SOX5: variants seen among roughly 807,000 people sequenced by gnomAD.
SOX5 encodes transcription factor SOX-5.
SOX5 carries 9 observed loss-of-function variants against 92.0 expected under a neutral mutation model. The ratio of observed to expected loss-of-function variants is 0.10; its 90% CI spans 0.06 to 0.17. The LOEUF (loss-of-function observed/expected upper bound fraction) is 0.17. Ranked by LOEUF, SOX5 falls within the 10% of genes least tolerant of loss-of-function variation. SOX5 has a pLI of 1.00. For missense variants in SOX5, 642 were observed against 944.5 expected (o/e 0.68, Z 4.20); for synonymous variants, 344 against 336.3 (o/e 1.02, Z -0.25).
intron 2 of SOX5, among the ~76,000 whole-genome samples, chr12:24,280,954 A>G (rs1389815859): frequency 6.6e-6 from 1 of 150,726 alleles, no homozygotes; most frequent in Admixed American, 6.6e-5. Context: ...AGATACCTTC[A>G]GTTTCATTGC....
At chr12:24,103,566 G>C (rs1371760028) in intron 4 of SOX5, among the ~76,000 whole-genome samples, 1 of 152,068 alleles carries the variant, frequency 6.6e-6, no homozygotes, top group Admixed American at 6.5e-5. Flanking sequence ...ATGTTGCCCA[G>C]GCTTGTCTTG....
intron 3 of SOX5, among the ~76,000 whole-genome samples, chr12:24,224,077 C>T (rs1358618201): frequency 1.3e-5 from 2 of 152,168 alleles, no homozygotes; most frequent in African/African-American, 2.4e-5. Context: ...ATTGTTGTTT[C>T]GCTGGAAGGA....
chr12:23,699,704 T>C (rs1216441755), intron 6 of SOX5, among the ~76,000 whole-genome samples: 3 of 152,182 alleles, frequency 2.0e-5, no homozygotes, highest in African/African-American at 7.2e-5. Context: ...TTTGAGTATA[T>C]GTTTCCTTAA....
At chr12:24,502,491 A>G (rs2138152734) in intron 1 of SOX5, among the ~76,000 whole-genome samples, 1 of 152,350 alleles carries the variant, frequency 6.6e-6, no homozygotes, top group East Asian at 1.9e-4. Flanking sequence ...GAAATAAATC[A>G]TTGAGTATAT....
At chr12:24,075,277 T>TAAAAAA (rs59967372) in intron 4 of SOX5, among the ~76,000 whole-genome samples, 2 of 75,788 alleles carry the variant, frequency 2.6e-5, no homozygotes, top group Admixed American at 1.7e-4. Context: ...CTCAAATTAT[T>TAAAAAA]AAAAAAAAAA....
chr12:24,436,657 G>A (rs563109220), intron 1 of SOX5, among the ~76,000 whole-genome samples: 3 of 152,106 alleles, frequency 2.0e-5, no homozygotes, highest in Non-Finnish European at 4.4e-5. Flanking sequence ...AGATCTAGCT[G>A]AGATGACTGA....
chr12:23,793,059 C>T (rs992720053), intron 3 of SOX5, among the ~76,000 whole-genome samples: 14 of 152,098 alleles, frequency 9.2e-5, no homozygotes, highest in East Asian at 5.8e-4. Flanking sequence ...AGACCTAAAA[C>T]GTTTTTCATG....
chr12:24,364,635 A>C (rs922254778), intron 2 of SOX5, among the ~76,000 whole-genome samples: 2 of 150,732 alleles, frequency 1.3e-5, no homozygotes, highest in Non-Finnish European at 3.0e-5. Flanking sequence ...TATGGAGAGA[A>C]TCAATTCCCT....
chr12:23,761,203 AG>A (rs1302863645), intron 3 of SOX5, among the ~76,000 whole-genome samples: 1 of 152,170 alleles, frequency 6.6e-6, no homozygotes, highest in Non-Finnish European at 1.5e-5. Flanking sequence ...AGAGCTGAAA[AG>A]GTCTTTATAT....
intron 4 of SOX5, among the ~76,000 whole-genome samples, chr12:23,969,408 G>T (rs1314118233): frequency 2.0e-5 from 3 of 151,926 alleles, no homozygotes; most frequent in African/African-American, 7.3e-5. Context: ...AAATCCTTCA[G>T]AGTCTTCAAT....
chr12:24,235,818 A>G (rs1283038801), intron 3 of SOX5, among the ~76,000 whole-genome samples: 1 of 152,198 alleles, frequency 6.6e-6, no homozygotes, highest in Non-Finnish European at 1.5e-5. Context: ...CTTATATCCA[A>G]GACTTTCCTT....
intron 2 of SOX5, among the ~76,000 whole-genome samples, chr12:23,851,335 T>C (rs922184182): frequency 2.0e-5 from 3 of 152,294 alleles, no homozygotes; most frequent in East Asian, 3.8e-4. Context: ...CAAATGAAGT[T>C]TGCAATTTTG....
intron 6 of SOX5, among the ~76,000 whole-genome samples, chr12:23,689,897 C>A (rs1480468656): frequency 2.0e-5 from 3 of 152,128 alleles, no homozygotes; most frequent in Non-Finnish European, 4.4e-5. Context: ...GGCACTGAGG[C>A]TACCTGGAGG....
At position 23,841,796 on chromosome 12, in the gene SOX5, G is replaced by A. The variant is rs78173386; in HGVS notation, c.481+4187C>T. ...TACTTGGGATTCTAGGGAAAAAAGC[G>A]GGATGAATAGGTGAAACAGGATAGT... On this transcript the variant is annotated intron_variant, in intron 3 of 14. Coordinates refer to ENST00000451604, the MANE Select transcript of SOX5 (RefSeq NM_006940.6). 3.0e-3 allele frequency among the ~76,000 whole-genome samples: 460 copies of A among 152,106 alleles called. 1 individual carries two copies. The highest frequency in any genetic ancestry group is 9.5e-3 in the African/African-American group (393 of 41,518).
chr12:24,059,777 T>C lies in SOX5; in HGVS notation c.-2+153566A>G, dbSNP rs78908402. Among the ~76,000 whole-genome samples the C allele has an allele frequency of 7.3e-3, 1,110 of 152,194 alleles. 9 individuals carry two copies. The highest frequency in any genetic ancestry group is 0.025 in the African/African-American group (1,056 of 41,522). ...AAAGTGCAACCCACAATCAAGAGTA[T>C]AAAAAACAAATGAAACCCAAACATA... is the stretch of plus-strand genomic sequence containing the variant. On this transcript the variant is annotated intron_variant, in intron 4 of 4. Coordinates refer to the SOX5 transcript ENST00000446891.
At chr12:23,815,090 G>A (rs2095961888) in intron 3 of SOX5, among the ~76,000 whole-genome samples, 1 of 152,046 alleles carries the variant, frequency 6.6e-6, no homozygotes, top group Non-Finnish European at 1.5e-5. Flanking sequence ...GATTACAATG[G>A]TCATTCCTGT....
intron 1 of SOX5, among the ~76,000 whole-genome samples, chr12:23,923,186 C>T (rs117538489): frequency 0.013 from 1,913 of 152,110 alleles, 19 homozygotes; most frequent in Middle Eastern, 0.051. Flanking sequence ...ACCTCAATCT[C>T]GTGATCTGCC....
At chr12:23,772,112 A>T (rs1487321037) in intron 3 of SOX5, among the ~76,000 whole-genome samples, 1 of 152,218 alleles carries the variant, frequency 6.6e-6, no homozygotes, top group Non-Finnish European at 1.5e-5. Context: ...ATTTTCAAGT[A>T]CTTTTCCTAA....
intron 6 of SOX5, among the ~76,000 whole-genome samples, chr12:23,703,483 T>C (rs1054683579): frequency 1.3e-5 from 2 of 151,970 alleles, no homozygotes; most frequent in African/African-American, 4.8e-5. Flanking sequence ...AAACAACTCT[T>C]ACATCTTTTT....
Sources: gnomAD v4.1 joint callset for allele counts (sites outside exome capture counted in the v4.1 genomes callset) on GRCh38, gnomAD v4.1.1 for gene constraint, MANE v1.5 for transcripts, NCBI Gene and HGNC (gene_info 2026-07-23, HGNC 2026-07-21) for gene names.